NFAM1: variants seen among roughly 807,000 people sequenced by gnomAD.
The protein encoded by NFAM1 is NFAT activating protein with ITAM motif 1.
NFAM1 carries 17 observed loss-of-function variants against 29.0 expected under a neutral mutation model. That is an observed-to-expected ratio of 0.59 (90% CI 0.40 to 0.88). The LOEUF (loss-of-function observed/expected upper bound fraction) is 0.88, where lower values mean the gene tolerates loss of function less well. Among genes scored for constraint, NFAM1 ranks in the 40% least tolerant of loss-of-function variants. The probability of loss-of-function intolerance (pLI) is 0.00; values close to 1 mark genes in which losing one functional copy is unlikely to be tolerated. For missense variants in NFAM1, 324 were observed against 344.6 expected (o/e 0.94, Z 0.47); for synonymous variants, 175 against 147.2 (o/e 1.19, Z -1.36).
At chr22:42,431,775 T>TCCCCCCCCC (rs34684252) in intron 1 of NFAM1, among the ~76,000 whole-genome samples, 20 of 146,678 alleles carry the variant, frequency 1.4e-4, no homozygotes, top group African/African-American at 2.9e-4. Context: ...GGCCCTGGTA[T>TCCCCCCCCC]CCCCCCCTCC....
In NFAM1 at chr22:42,424,887, TCTTTC is replaced by T. The variant is rs1041490804; in HGVS notation, c.121+7345_121+7349del. Among the ~76,000 whole-genome samples the T allele has an allele frequency of 4.0e-4, 60 of 150,266 alleles. 1 individual carries two copies. The highest frequency in any genetic ancestry group is 1.4e-3 in the African/African-American group (55 of 40,586). On this transcript the variant is annotated intron_variant, in intron 1 of 5. Coordinates refer to ENST00000329021, the MANE Select transcript of NFAM1 (RefSeq NM_145912.8). ...CTCCCTCCTTCCCTCCCTCTCTCTTTCTTTCCTTTCTTTCTTTCTTTTCGTATTTA... is the reference window on the plus strand; with the variant it reads ...CTCCCTCCTTCCCTCCCTCTCTCTTTCTTTCTTTCTTTCTTTTCGTATTTA...
chr22:42,409,368 G>T lies in NFAM1; in HGVS notation c.564+67C>A. On this transcript the variant is annotated intron_variant, in intron 3 of 5. Transcript: ENST00000329021. The surrounding 1 kb of genome is among the most constrained non-coding windows in gnomAD (Gnocchi z 4.9). ...CAGGGCCCACCAAACGCCCTGCAGA[G>T]GGCAGGCGGGCAGCCGGTGGCGTGT... The T allele has an allele frequency of 1.2e-6, 1 of 839,240 alleles. No individual in the cohort carries two copies. Among genetic ancestry groups the T allele is most frequent in the Non-Finnish European group, 1.8e-6 (1 of 556,078 alleles). The allele number at this position is 839,240 out of a possible 1,614,324, so 52.0% of individuals were successfully genotyped here. A position where few individuals can be genotyped will look rare whatever the true frequency, so the allele number is the denominator to read the frequency against.
At chr22:42,390,029 A>G (rs1929280888) in intron 4 of NFAM1, among the ~76,000 whole-genome samples, 1 of 152,112 alleles carries the variant, frequency 6.6e-6, no homozygotes, top group Non-Finnish European at 1.5e-5. Context: ...ACCATGCATC[A>G]GAGTCGTGTG....
rs758386170 is a variant in NFAM1 at position 42,411,607 on chromosome 22, T to A, written c.251A>T (p.His84Leu). The A allele has an allele frequency of 1.2e-6, 2 of 1,614,176 alleles. No individual in the cohort carries two copies. The highest frequency in any genetic ancestry group is 1.7e-6 in the Non-Finnish European group (2 of 1,180,022). The change falls in exon 2 of 6, where the codon CAT (histidine) becomes CTT (leucine). Residue 84 changes from histidine to leucine, a missense_variant. His to Leu is a moderately conservative substitution (Grantham distance 99). Coordinates refer to ENST00000329021, the MANE Select transcript of NFAM1 (RefSeq NM_145912.8). ...GCTCCTCTGTCCCTGGAGATCTTCA[T>A]GAAAGTAGCTGACTGTGAAAACCTT... ...QFKVFTVSYF[H>L]EDLQGQRSPK...
chr22:42,431,684 G>A (rs1346651786), intron 1 of NFAM1, among the ~76,000 whole-genome samples: 2 of 152,230 alleles, frequency 1.3e-5, no homozygotes, highest in East Asian at 1.9e-4. Context: ...CTTGGCCTCT[G>A]GTTGTGTTTC....
chr22:42,411,873 G>C (rs570319048), intron 1 of NFAM1, 137 bp from the exon 2 acceptor site: 1 of 632,814 alleles, frequency 1.6e-6, no homozygotes, highest in Non-Finnish European at 2.8e-6. Flanking sequence ...CGAGGCAGGC[G>C]GATCACTGGA....
At chr22:42,437,139 G>A (rs13054476), upstream of NFAM1, 1 of 187,878 alleles carries the variant, frequency 5.3e-6, no homozygotes, top group Non-Finnish European at 7.6e-6. Context: ...TTTTCTTTTT[G>A]TCTTTTTTTT....
chr22:42,398,923 G>C (rs1355491136), intron 3 of NFAM1, among the ~76,000 whole-genome samples: 1 of 152,204 alleles, frequency 6.6e-6, no homozygotes, highest in Non-Finnish European at 1.5e-5. Flanking sequence ...CCAGTGAAGA[G>C]ATGGAGGATG....
intron 3 of NFAM1, among the ~76,000 whole-genome samples, chr22:42,401,838 G>A (rs1410817141): frequency 2.0e-5 from 3 of 152,214 alleles, no homozygotes; most frequent in Non-Finnish European, 4.4e-5. Context: ...AGCTCAGGAA[G>A]CCTGTTGGGC....
At chr22:42,394,842 G>T (rs1231300838) in intron 4 of NFAM1, among the ~76,000 whole-genome samples, 3 of 152,210 alleles carry the variant, frequency 2.0e-5, no homozygotes, top group African/African-American at 4.8e-5. Flanking sequence ...ATTGGGCCGG[G>T]TGCGGTGGCT....
chr22:42,437,858 C>T, the NFAM1 span, among the ~76,000 whole-genome samples: 1 of 152,278 alleles, frequency 6.6e-6, no homozygotes, highest in South Asian at 2.1e-4. Context: ...GGAGGGCTGT[C>T]GGTACAGGGT....
At chr22:42,429,428 C>G (rs1053703703) in intron 1 of NFAM1, among the ~76,000 whole-genome samples, 2 of 152,020 alleles carry the variant, frequency 1.3e-5, no homozygotes, top group Non-Finnish European at 2.9e-5. Flanking sequence ...CCAGCCTGGC[C>G]AACACGGTGA....
chr22:42,430,594 T>G, intron 1 of NFAM1, among the ~76,000 whole-genome samples: 1 of 149,480 alleles, frequency 6.7e-6, no homozygotes, highest in African/African-American at 2.5e-5. Flanking sequence ...GGGTGGGGGT[T>G]TGTCTGCTGC....
Position 42,384,885 on chromosome 22 carries a change from C to A in NFAM1, c.*276G>T. ...TGGCATCCAGGAAAGCCCTTGAAGACTGAGGGGCGCTTTGCTGGTTGGGCC... is the reference window on the plus strand; with the variant it reads ...TGGCATCCAGGAAAGCCCTTGAAGAATGAGGGGCGCTTTGCTGGTTGGGCC... On this transcript the variant is annotated 3_prime_UTR_variant, in exon 6 of 6. Coordinates refer to ENST00000329021, the MANE Select transcript of NFAM1 (RefSeq NM_145912.8). 1 of 538,320 alleles carries A rather than the reference C, an allele frequency of 1.9e-6. No homozygotes were observed. Among genetic ancestry groups the A allele is most frequent in the South Asian group, 2.0e-5 (1 of 49,694 alleles). The allele number at this position is 538,320 out of a possible 1,614,324, so 33.3% of individuals were successfully genotyped here.
intron 1 of NFAM1, among the ~76,000 whole-genome samples, chr22:42,412,655 G>C (rs1052537111): frequency 2.6e-5 from 4 of 152,230 alleles, no homozygotes; most frequent in African/African-American, 9.6e-5. Context: ...GCGTTTCCTG[G>C]CGGTAGACAG....
At chr22:42,433,291 G>A (rs930952671), upstream of NFAM1, among the ~76,000 whole-genome samples, 1 of 152,216 alleles carries the variant, frequency 6.6e-6, no homozygotes, top group African/African-American at 2.4e-5. Flanking sequence ...CATGGAAGAC[G>A]CAGGCGGGAA....
chr22:42,385,202 C>T lies in NFAM1; in HGVS notation c.772G>A (p.Glu258Lys), dbSNP rs200499062. The change falls in exon 6 of 6, where the codon GAA (glutamate) becomes AAA (lysine). Residue 258 changes from glutamate (E) to lysine (K), a missense_variant. By Grantham distance (56) the Glu-to-Lys change is moderately conservative. Coordinates refer to ENST00000329021, the MANE Select transcript of NFAM1 (RefSeq NM_145912.8). ...PLSQERPHRF[E>K]DDGELNLVYE... The stretch of plus-strand genomic sequence containing the variant: ...ACCAGGTTAAGTTCGCCATCATCTT[C>T]GAATCTATGCGGTCTCTCCTGGATA... The T allele has an allele frequency of 1.5e-5, 24 of 1,610,924 alleles. No homozygotes were observed. The Admixed American group carries it at 3.0e-4, about 20-fold the overall frequency.
In NFAM1 at chr22:42,384,945, C is replaced by G. The variant is rs1167710798; in HGVS notation, c.*216G>C. On this transcript the variant is annotated 3_prime_UTR_variant, in exon 6 of 6. Coordinates refer to ENST00000329021, the MANE Select transcript of NFAM1 (RefSeq NM_145912.8). ...AGGGCCTGCCTGGCAGAAGGAACAG[C>G]CTGGGCAAAGGCCCCAAGATGGGAA... The G allele has an allele frequency of 4.6e-6, 3 of 649,368 alleles. No individual in the cohort carries two copies. The highest frequency in any genetic ancestry group is 4.3e-4 in the Middle Eastern group (1 of 2,310). 40.2% of individuals were successfully genotyped at this position (649,368 alleles called of 1,614,324 possible). A position where few individuals can be genotyped will look rare whatever the true frequency, so the allele number is the denominator to read the frequency against.
rs572214299 is a variant in NFAM1 at position 42,380,872 on chromosome 22, C to T, written c.*4289G>A. ...GTAACTTGAGTTCAGGTTTGTGACA[C>T]TGGGTGGCCAAAGAGCACTGCCTAC... On this transcript the variant is annotated 3_prime_UTR_variant, in exon 6 of 6. Coordinates refer to ENST00000329021, the MANE Select transcript of NFAM1 (RefSeq NM_145912.8). 6.6e-6 allele frequency: 1 copy of T among 152,600 alleles called. No homozygotes were observed. Among genetic ancestry groups the T allele is most frequent in the South Asian group, 2.1e-4 (1 of 4,816 alleles). The allele number at this position is 152,600 out of a possible 1,614,324, so 9.5% of individuals were successfully genotyped here.
Sources: gnomAD v4.1 joint callset for allele counts (sites outside exome capture counted in the v4.1 genomes callset) on GRCh38, gnomAD v4.1.1 for gene constraint, Gnocchi (gnomAD v3.1) non-coding constraint, MANE v1.5 for transcripts, NCBI Gene and HGNC (gene_info 2026-07-23, HGNC 2026-07-21) for gene names.